The following PARM1 variants were observed in gnomAD, a reference collection of about 807,000 sequenced individuals.
PARM1 encodes WSC4, cell wall integrity and stress response component 4 homolog.
In PARM1, 14 loss-of-function variants were observed where a neutral mutation model predicts 24.6. The ratio of observed to expected loss-of-function variants is 0.57; its 90% CI spans 0.38 to 0.89. The LOEUF (loss-of-function observed/expected upper bound fraction) is 0.89, where lower values mean the gene tolerates loss of function less well. Among genes scored for constraint, PARM1 ranks in the 40% least tolerant of loss-of-function variants. The pLI, the probability that PARM1 is intolerant of heterozygous loss-of-function variation, is 0.00. For synonymous variants in PARM1, 179 were observed against 156.6 expected (o/e 1.14, Z -1.07); for missense variants, 362 against 380.4 (o/e 0.95, Z 0.40).
chr4:74,941,641 A>C (rs1721312607), intron 1 of PARM1, among the ~76,000 whole-genome samples: 1 of 152,086 alleles, frequency 6.6e-6, no homozygotes, highest in Non-Finnish European at 1.5e-5. Context: ...AGTTCTGTGG[A>C]AAGTTACAAA....
chr4:75,010,508 T>G (rs1282453108), intron 1 of PARM1, among the ~76,000 whole-genome samples: 1 of 152,220 alleles, frequency 6.6e-6, no homozygotes, highest in East Asian at 1.9e-4. Context: ...TAGTAAAGTG[T>G]TAGCATACTT....
intron 1 of PARM1, among the ~76,000 whole-genome samples, chr4:74,974,445 C>T (rs752675272): frequency 1.2e-4 from 19 of 152,174 alleles, no homozygotes; most frequent in Non-Finnish European, 2.6e-4. Context: ...GTTTTTCAGA[C>T]TCCTGTATCT....
chr4:74,937,987 T>G (rs574447864), intron 1 of PARM1, among the ~76,000 whole-genome samples: 1 of 152,350 alleles, frequency 6.6e-6, no homozygotes, highest in South Asian at 2.1e-4. Context: ...TTTTGCAAAC[T>G]GGTGTGTTTC....
At chr4:74,973,275 A>G (rs1040318146) in intron 1 of PARM1, among the ~76,000 whole-genome samples, 4 of 152,240 alleles carry the variant, frequency 2.6e-5, no homozygotes, top group Non-Finnish European at 5.9e-5. Context: ...AAAATAGAAA[A>G]ATTAGTGAAA....
In PARM1 at chr4:75,039,740, C is replaced by G. The variant is rs144749447; in HGVS notation, c.848+5779C>G. ...TTTTACCCATTTCTAACACTCCAAA[C>G]ACACTCTCTGCTGTACAGTTTCCCA... is the stretch of plus-strand genomic sequence containing the variant. On this transcript the variant is annotated intron_variant, in intron 3 of 3. Transcript: ENST00000307428. Among the ~76,000 whole-genome samples the G allele has an allele frequency of 1.5e-4, 23 of 152,280 alleles. No individual in the cohort carries two copies. The East Asian group carries it at 4.2e-3, about 28-fold the overall frequency.
chr4:74,977,574 T>G (rs570212261), intron 1 of PARM1, among the ~76,000 whole-genome samples: 4 of 152,260 alleles, frequency 2.6e-5, no homozygotes, highest in Admixed American at 2.6e-4. Context: ...TTCCCTAACC[T>G]AGCAAGACAG....
chr4:74,945,676 C>T lies in PARM1; in HGVS notation c.43+12306C>T, dbSNP rs866837791. Among the ~76,000 whole-genome samples the T allele has an allele frequency of 3.9e-5, 6 of 152,142 alleles. No individual in the cohort carries two copies. The South Asian group carries it at 8.3e-4, about 21-fold the overall frequency. ...ATACTTTGTTAGTTTTTTAGATCTCCTCTCTTTGTCACATATGGGAGCAAT... is the reference window on the plus strand; with the variant it reads ...ATACTTTGTTAGTTTTTTAGATCTCTTCTCTTTGTCACATATGGGAGCAAT... On this transcript the variant is annotated intron_variant, in intron 1 of 3. Coordinates refer to ENST00000307428, the MANE Select transcript of PARM1 (RefSeq NM_015393.4).
chr4:75,039,167 T>G (rs186603204), intron 3 of PARM1, among the ~76,000 whole-genome samples: 21 of 152,324 alleles, frequency 1.4e-4, no homozygotes, highest in Non-Finnish European at 2.2e-4. Flanking sequence ...TAGGTCTTGT[T>G]TACTCAATTT....
intron 2 of PARM1, among the ~76,000 whole-genome samples, chr4:75,019,447 C>T (rs1467586745): frequency 1.3e-5 from 2 of 152,152 alleles, no homozygotes; most frequent in African/African-American, 2.4e-5. Flanking sequence ...ATTATTTTCA[C>T]CATAAAGAGA....
chr4:74,989,881 A>G (rs1722432581), intron 1 of PARM1, among the ~76,000 whole-genome samples: 1 of 152,190 alleles, frequency 6.6e-6, no homozygotes. Flanking sequence ...ATATATCACA[A>G]TATCACAGAG....
chr4:74,944,154 C>A (rs1400459432), intron 1 of PARM1, among the ~76,000 whole-genome samples: 1 of 152,136 alleles, frequency 6.6e-6, no homozygotes, highest in South Asian at 2.1e-4. Context: ...AACAAATACT[C>A]ATGGTGCACA....
intron 1 of PARM1, among the ~76,000 whole-genome samples, chr4:74,954,383 C>T (rs954969415): frequency 6.6e-6 from 1 of 152,166 alleles, no homozygotes; most frequent in South Asian, 2.1e-4. Context: ...CATGTCTATT[C>T]TGTTCCAACT....
chr4:74,956,693 T>C (rs1298334500), intron 1 of PARM1: 13 of 152,206 alleles, frequency 8.5e-5, no homozygotes, highest in Admixed American at 5.9e-4. Context: ...CTATGTCTTA[T>C]TGGCTTTTCG....
At chr4:74,998,443 A>C (rs1189596935) in intron 1 of PARM1, among the ~76,000 whole-genome samples, 2 of 152,218 alleles carry the variant, frequency 1.3e-5, no homozygotes. Flanking sequence ...GTAATTAATT[A>C]TACAAAATGA....
intron 1 of PARM1, among the ~76,000 whole-genome samples, chr4:74,963,520 A>T (rs1312260028): frequency 6.6e-6 from 1 of 152,242 alleles, no homozygotes; most frequent in Non-Finnish European, 1.5e-5. Context: ...ATGAACTTTA[A>T]AAACATTTTG....
At chr4:74,945,378 T>A (rs954319974) in intron 1 of PARM1, among the ~76,000 whole-genome samples, 3 of 152,226 alleles carry the variant, frequency 2.0e-5, no homozygotes, top group African/African-American at 7.2e-5. Flanking sequence ...ATAATGTGGC[T>A]ATAGTGACTG....
intron 1 of PARM1, among the ~76,000 whole-genome samples, chr4:74,944,621 A>C (rs1029183161): frequency 6.6e-6 from 1 of 152,198 alleles, no homozygotes; most frequent in Non-Finnish European, 1.5e-5. Context: ...CGGAAGGAAA[A>C]GAATTGCACA....
chr4:74,938,747 C>A (rs1412518386), intron 1 of PARM1, among the ~76,000 whole-genome samples: 1 of 152,080 alleles, frequency 6.6e-6, no homozygotes. Flanking sequence ...TTTAAATGTT[C>A]ATCATAATCC....
In PARM1 at chr4:74,974,053, C is replaced by T. The variant is rs140364045; in HGVS notation, c.44-38372C>T. On this transcript the variant is annotated intron_variant, in intron 1 of 3. Transcript: ENST00000307428. ...AGGGCCTGAGAGCCAGGGTTGTTGA[C>T]GGTGTGATTTAGTTTAAGGACCAGA... 1.8e-3 allele frequency among the ~76,000 whole-genome samples: 277 copies of T among 152,178 alleles called. 2 individuals are homozygous for T. The highest frequency in any genetic ancestry group is 6.0e-3 in the South Asian group (29 of 4,808).
Sources: gnomAD v4.1 joint callset for allele counts (sites outside exome capture counted in the v4.1 genomes callset) on GRCh38, gnomAD v4.1.1 for gene constraint, MANE v1.5 for transcripts, NCBI Gene and HGNC (gene_info 2026-07-23, HGNC 2026-07-21) for gene names.